The following FSTL4 variants were observed in gnomAD, a reference collection of about 807,000 sequenced individuals.
FSTL4 encodes follistatin-related protein 4.
Under a neutral mutation model 78.2 loss-of-function variants are expected in FSTL4, and 28 were observed. That is an observed-to-expected ratio of 0.36 (90% CI 0.27 to 0.49). FSTL4 has a LOEUF of 0.49. Ranked by LOEUF, FSTL4 falls within the 20% of genes least tolerant of loss-of-function variation. FSTL4 has a pLI of 0.98. For synonymous variants in FSTL4, 422 were observed against 440.5 expected (o/e 0.96, Z 0.53); for missense variants, 922 against 1,084.9 (o/e 0.85, Z 2.11).
the FSTL4 span, among the ~76,000 whole-genome samples, chr5:133,775,485 G>A: frequency 6.6e-6 from 1 of 152,162 alleles, no homozygotes; most frequent in African/African-American, 2.4e-5. Context: ...AGTCAGTAGT[G>A]CTGAAGTTGA....
intron 14 of FSTL4, among the ~76,000 whole-genome samples, chr5:133,204,285 T>C (rs1390223037): frequency 6.6e-6 from 1 of 152,188 alleles, no homozygotes. Flanking sequence ...AGGGCGGCTT[T>C]GGTGGAGGGA....
chr5:133,261,382 A>G (rs548127793), intron 6 of FSTL4, among the ~76,000 whole-genome samples: 2 of 152,324 alleles, frequency 1.3e-5, no homozygotes, highest in South Asian at 2.1e-4. Context: ...AACTAAAAAT[A>G]AAATCCTAAG....
chr5:133,718,196 G>T, the FSTL4 span, among the ~76,000 whole-genome samples: 4 of 151,930 alleles, frequency 2.6e-5, no homozygotes, highest in African/African-American at 7.3e-5. Context: ...GGGTTCAAGC[G>T]ATTCTCTTGC....
chr5:133,434,255 G>A (rs1756997249), intron 3 of FSTL4, among the ~76,000 whole-genome samples: 3 of 152,232 alleles, frequency 2.0e-5, no homozygotes, highest in Non-Finnish European at 4.4e-5. Flanking sequence ...GATTAGATGA[G>A]GAGCTGTGGG....
rs892777408 is a variant in FSTL4, at chr5:133,612,060, G to A, written c.-11+265C>T. On this transcript the variant is annotated intron_variant, in intron 1 of 15. Coordinates refer to ENST00000265342, the MANE Select transcript of FSTL4 (RefSeq NM_015082.2). This position sits in a 1 kb window ranked among gnomAD's most constrained non-coding sequence, Gnocchi z 6.2. ...GGTCCCCACCGTAGACCCCGGCCAC[G>A]AGCCTCGGCGTCCCAGCCTCTCCTC... 6.6e-6 allele frequency among the ~76,000 whole-genome samples: 1 copy of A among 151,998 alleles called. No homozygotes were observed. The highest frequency in any genetic ancestry group is 2.4e-5 in the African/African-American group (1 of 41,420).
intron 3 of FSTL4, among the ~76,000 whole-genome samples, chr5:133,495,821 A>T (rs10070811): frequency 0.021 from 3,204 of 152,248 alleles, 119 homozygotes; most frequent in African/African-American, 0.073. Flanking sequence ...CCTGCATCTA[A>T]ATGTCCATAG....
chr5:133,537,059 G>C (rs1042979901), intron 3 of FSTL4, among the ~76,000 whole-genome samples: 3 of 152,170 alleles, frequency 2.0e-5, no homozygotes, highest in African/African-American at 7.2e-5. Context: ...TTTCCCAAAA[G>C]AGTTGCACAA....
At chr5:133,498,998 T>TACAC (rs142906885) in intron 3 of FSTL4, among the ~76,000 whole-genome samples, 2,520 of 147,026 alleles carry the variant, frequency 0.017, 51 homozygotes, top group African/African-American at 0.043. Flanking sequence ...AGCAACAAAT[T>TACAC]ACACACACAC....
At chr5:133,259,781 G>GGGCT (rs201826132) in intron 6 of FSTL4, among the ~76,000 whole-genome samples, 3,134 of 152,080 alleles carry the variant, frequency 0.021, 96 homozygotes, top group African/African-American at 0.071. Context: ...GGAAGGGACA[G>GGGCT]GGCTGGGAAA....
intron 3 of FSTL4, among the ~76,000 whole-genome samples, chr5:133,528,101 T>A (rs1425124311): frequency 2.0e-5 from 3 of 152,234 alleles, no homozygotes; most frequent in Non-Finnish European, 4.4e-5. Flanking sequence ...ACAGGTGGAA[T>A]GTGGTTGCAG....
chr5:133,780,291 C>T, the FSTL4 span, among the ~76,000 whole-genome samples: 11 of 152,156 alleles, frequency 7.2e-5, no homozygotes, highest in African/African-American at 2.7e-4. Flanking sequence ...AGAGCAGCAA[C>T]AGCATCTCTC....
At chr5:133,213,883 G>A (rs80286655) in intron 13 of FSTL4, among the ~76,000 whole-genome samples, 1,983 of 152,206 alleles carry the variant, frequency 0.013, 51 homozygotes, top group African/African-American at 0.045. Context: ...TAATGACATA[G>A]AAAGGTTGAA....
the FSTL4 span, among the ~76,000 whole-genome samples, chr5:133,663,573 G>A: frequency 6.6e-6 from 1 of 152,340 alleles, no homozygotes; most frequent in Non-Finnish European, 1.5e-5. Flanking sequence ...GACAGCATGA[G>A]GAAAGGGGCG....
the FSTL4 span, among the ~76,000 whole-genome samples, chr5:133,685,459 T>C: frequency 6.6e-6 from 1 of 152,204 alleles, no homozygotes; most frequent in African/African-American, 2.4e-5. Context: ...ACACGCTGTG[T>C]CTACAGAGAG....
the FSTL4 span, among the ~76,000 whole-genome samples, chr5:133,752,628 TTAAATTA>T: frequency 4.0e-5 from 6 of 149,732 alleles, no homozygotes; most frequent in African/African-American, 1.5e-4. Flanking sequence ...TAAAATAAAA[TTAAATTA>T]AATTAAATTA....
At chr5:133,371,994 C>T (rs1554108939) in intron 4 of FSTL4, among the ~76,000 whole-genome samples, 1 of 152,202 alleles carries the variant, frequency 6.6e-6, no homozygotes, top group Non-Finnish European at 1.5e-5. Context: ...GAAACTGCTT[C>T]CAGGAGAGAG....
the FSTL4 span, among the ~76,000 whole-genome samples, chr5:133,653,691 T>C: frequency 6.6e-6 from 1 of 152,232 alleles, no homozygotes; most frequent in South Asian, 2.1e-4. Flanking sequence ...TGATGGAAGC[T>C]GAAAAGGAAG....
the FSTL4 span, among the ~76,000 whole-genome samples, chr5:133,688,562 A>G: frequency 3.7e-3 from 559 of 152,362 alleles, 3 homozygotes; most frequent in African/African-American, 0.013. Flanking sequence ...CTCAGCCTCG[A>G]AACAGTCCTT....
At chr5:133,515,899 C>G (rs142680517) in intron 3 of FSTL4, among the ~76,000 whole-genome samples, 19 of 152,180 alleles carry the variant, frequency 1.2e-4, no homozygotes, top group Middle Eastern at 3.4e-3. Flanking sequence ...AATTGAGTTT[C>G]TTAACTCATT....
Sources: gnomAD v4.1 joint callset for allele counts (sites outside exome capture counted in the v4.1 genomes callset) on GRCh38, gnomAD v4.1.1 for gene constraint, Gnocchi (gnomAD v3.1) non-coding constraint, MANE v1.5 for transcripts, NCBI Gene and HGNC (gene_info 2026-07-23, HGNC 2026-07-21) for gene names.